The following SMG6 variants were observed in gnomAD, a reference collection of about 807,000 sequenced individuals.
SMG6 encodes telomerase-binding protein EST1A.
A neutral mutation model predicts 142.2 loss-of-function variants in SMG6; 66 were observed. The observed-to-expected ratio is 0.46, with a 90% confidence interval of 0.38 to 0.57. The LOEUF is 0.57. Among genes scored for constraint, SMG6 ranks in the 20% least tolerant of loss-of-function variants. The pLI is 0.00. For missense variants in SMG6, 1,793 were observed against 1,832.0 expected (o/e 0.98, Z 0.39); for synonymous variants, 779 against 702.4 (o/e 1.11, Z -1.72).
intron 13 of SMG6, among the ~76,000 whole-genome samples, chr17:2,110,081 C>CAAAAAAAAAAAA (rs57135671): frequency 1.1e-5 from 1 of 87,992 alleles, no homozygotes; most frequent in African/African-American, 3.0e-5. Context: ...GATTCCATCT[C>CAAAAAAAAAAAA]AAAAAAAAAA....
At chr17:2,295,202 A>G (rs1193324092) in intron 4 of SMG6, among the ~76,000 whole-genome samples, 1 of 152,158 alleles carries the variant, frequency 6.6e-6, no homozygotes, top group African/African-American at 2.4e-5. Context: ...TCAGTAAGAA[A>G]GTGTGTATGT....
intron 13 of SMG6, among the ~76,000 whole-genome samples, chr17:2,121,550 C>T (rs922824597): frequency 6.4e-5 from 4 of 62,646 alleles, no homozygotes; most frequent in Non-Finnish European, 8.9e-5. Flanking sequence ...TTTATATATA[C>T]ACACACACAC....
At chr17:2,291,194 G>A (rs1307400845) in intron 6 of SMG6, among the ~76,000 whole-genome samples, 2 of 152,110 alleles carry the variant, frequency 1.3e-5, no homozygotes, top group Non-Finnish European at 2.9e-5. Context: ...AGCCGGGCGT[G>A]GTGGCGGGCG....
At chr17:2,072,467 T>C (rs78581919) in intron 15 of SMG6, among the ~76,000 whole-genome samples, 1 of 152,208 alleles carries the variant, frequency 6.6e-6, no homozygotes, top group Non-Finnish European at 1.5e-5. Context: ...TATGGGAGTT[T>C]CCTGGAGCAA....
intron 10 of SMG6, among the ~76,000 whole-genome samples, chr17:2,229,076 C>T (rs1304752863): frequency 2.6e-5 from 4 of 151,990 alleles, no homozygotes; most frequent in Non-Finnish European, 5.9e-5. Context: ...TAAAAAAATC[C>T]GCCCACCCCC....
chr17:2,185,211 CACAG>C (rs2151684286), intron 12 of SMG6, among the ~76,000 whole-genome samples: 2 of 152,162 alleles, frequency 1.3e-5, no homozygotes, highest in East Asian at 3.9e-4. Context: ...GACAAGTAAA[CACAG>C]ACAGACATGG....
In SMG6 at chr17:2,061,487, C is replaced by T; in HGVS notation, c.*5G>A. The T allele has an allele frequency of 6.4e-7, 1 of 1,563,500 alleles. No individual in the cohort carries two copies. On this transcript the variant is annotated 3_prime_UTR_variant, in exon 19 of 19. Transcript: ENST00000263073. ...CCACGGGGGGGGGGCCCCAGTGTGG[C>T]TCCCTCAGCCCACCTGGGCCCACGT...
chr17:2,215,021 G>A (rs59728219), intron 10 of SMG6, among the ~76,000 whole-genome samples: 8,747 of 152,186 alleles, frequency 0.057, 824 homozygotes, highest in African/African-American at 0.2. Context: ...ACAACTCCAC[G>A]GGGCCCTGGA....
At position 2,091,172 on chromosome 17, in the gene SMG6, C is replaced by T. The variant is rs140955933; in HGVS notation, c.3358-5271G>A. On this transcript the variant is annotated intron_variant, in intron 13 of 18. Coordinates refer to ENST00000263073, the MANE Select transcript of SMG6 (RefSeq NM_017575.5). ...TAGCAGCCAAGGGTGGGCCAGCCTACGAAGGGGTCTGCCAATGGAAGTTCA... is the reference window on the plus strand; with the variant it reads ...TAGCAGCCAAGGGTGGGCCAGCCTATGAAGGGGTCTGCCAATGGAAGTTCA... 4.4e-4 allele frequency among the ~76,000 whole-genome samples: 67 copies of T among 152,234 alleles called. 1 individual carries two copies. The East Asian group carries it at 0.012, about 28-fold the overall frequency.
At chr17:2,293,983 G>GC (rs1162995356) in intron 4 of SMG6, among the ~76,000 whole-genome samples, 3 of 152,036 alleles carry the variant, frequency 2.0e-5, no homozygotes, top group Non-Finnish European at 2.9e-5. Context: ...CAAGGCATGT[G>GC]CCCCCCAAAA....
intron 10 of SMG6, among the ~76,000 whole-genome samples, chr17:2,221,557 A>AT (rs1467376523): frequency 1.3e-5 from 2 of 152,240 alleles, no homozygotes; most frequent in African/African-American, 4.8e-5. Context: ...ACAACAGTAG[A>AT]TACCAAAGCA....
chr17:2,131,889 C>G lies in SMG6; in HGVS notation c.3357+40769G>C, dbSNP rs145401830. Among the ~76,000 whole-genome samples the G allele has an allele frequency of 7.2e-5, 11 of 152,122 alleles. No homozygotes were observed. The East Asian group carries it at 2.1e-3, about 29-fold the overall frequency. Reference sequence around the variant, plus strand: ...GAGTTCAAGACCAGCCTGGCCAACACAGTAAAACCCCGTTTCTACTAAAAA... The same window carrying G: ...GAGTTCAAGACCAGCCTGGCCAACAGAGTAAAACCCCGTTTCTACTAAAAA... On this transcript the variant is annotated intron_variant, in intron 13 of 18. Transcript: ENST00000263073.
At chr17:2,165,933 C>T (rs913985927) in intron 13 of SMG6, among the ~76,000 whole-genome samples, 4 of 151,966 alleles carry the variant, frequency 2.6e-5, no homozygotes, top group South Asian at 2.1e-4. Flanking sequence ...ACAAAATGGA[C>T]GGGCGCGGTG....
chr17:2,065,125 G>A lies in SMG6; in HGVS notation c.4077C>T (p.Cys1359=). 6.2e-7 allele frequency: 1 copy of A among 1,613,904 alleles called. No homozygotes were observed. Among genetic ancestry groups the A allele is most frequent in the Non-Finnish European group, 8.5e-7 (1 of 1,179,844 alleles). ...CCTTGTCTTTGCAGTAGTGGAGGCA[G>A]CAGGACAGGATGAGATCATCGTTGT... ...LGNNDDLILS[C]CLHYCKDKAK... Residue 1359 remains cysteine (C), a synonymous_variant, in exon 18 of 19, where the codon TGC becomes TGT. Transcript: ENST00000263073.
intron 12 of SMG6, among the ~76,000 whole-genome samples, chr17:2,176,875 C>G (rs747173746): frequency 6.6e-6 from 1 of 152,302 alleles, no homozygotes; most frequent in Non-Finnish European, 1.5e-5. Context: ...TCACTTAGTC[C>G]ACCAGGAAAG....
chr17:2,280,942 T>C (rs1234100691), intron 8 of SMG6, among the ~76,000 whole-genome samples: 1 of 152,142 alleles, frequency 6.6e-6, no homozygotes, highest in East Asian at 1.9e-4. Context: ...TGTGGTGGCA[T>C]GTGCCTGTAG....
intron 6 of SMG6, among the ~76,000 whole-genome samples, chr17:2,290,052 G>T (rs772829602): frequency 3.3e-5 from 5 of 151,310 alleles, no homozygotes; most frequent in Non-Finnish European, 5.9e-5. Context: ...ATCATTAGTT[G>T]CTAGGAGAAT....
In SMG6 at chr17:2,065,552, C is replaced by T. The variant is rs766686440; in HGVS notation, c.3963G>A (p.Arg1321=). Residue 1321 remains arginine, a synonymous_variant, in exon 17 of 19, where the codon CGG becomes CGA. Transcript: ENST00000263073. ...TGGTCAGGGCTCGCAGGCAAGAGTCCCGACTCTCGAATCGCTGCTCGAGGA... is the reference window on the plus strand; with the variant it reads ...TGGTCAGGGCTCGCAGGCAAGAGTCTCGACTCTCGAATCGCTGCTCGAGGA... ...IEFLEQRFES[R]DSCLRALTSR... is the part of the protein sequence containing the mutation. The T allele has an allele frequency of 6.2e-7, 1 of 1,614,084 alleles. No individual in the cohort carries two copies. Among genetic ancestry groups the T allele is most frequent in the Non-Finnish European group, 8.5e-7 (1 of 1,180,008 alleles).
intron 13 of SMG6, among the ~76,000 whole-genome samples, chr17:2,111,689 C>A (rs1296561942): frequency 1.3e-5 from 2 of 152,196 alleles, no homozygotes; most frequent in Non-Finnish European, 2.9e-5. Context: ...CAGGCATGAG[C>A]TACTGTGCCT....
Sources: allele counts gnomAD v4.1 joint callset (sites outside exome capture counted in the v4.1 genomes callset), GRCh38; gene constraint gnomAD v4.1.1; transcripts MANE v1.5; gene names NCBI Gene and HGNC (gene_info 2026-07-23, HGNC 2026-07-21).